PAPPA: variants seen among roughly 807,000 people sequenced by gnomAD.
The protein encoded by PAPPA is pappalysin 1.
Under a neutral mutation model 164.0 loss-of-function variants are expected in PAPPA, and 60 were observed. That is an observed-to-expected ratio of 0.37 (90% confidence interval 0.30 to 0.45). The LOEUF is 0.45. Ranked by LOEUF, PAPPA falls within the 20% of genes least tolerant of loss-of-function variation. The pLI, the probability that PAPPA is intolerant of heterozygous loss-of-function variation, is 1.00. For missense variants in PAPPA, 1,782 were observed against 2,087.3 expected (o/e 0.85, Z 2.85); for synonymous variants, 875 against 814.1 (o/e 1.07, Z -1.27).
intron 2 of PAPPA, among the ~76,000 whole-genome samples, chr9:116,207,043 T>G (rs1272425349): frequency 1.3e-5 from 2 of 152,158 alleles, no homozygotes; most frequent in Admixed American, 6.5e-5. Context: ...TTTATTATTC[T>G]AAGAGGGGAA....
At chr9:116,229,396 G>A (rs749095303) in intron 6 of PAPPA, among the ~76,000 whole-genome samples, 8 of 152,194 alleles carry the variant, frequency 5.3e-5, no homozygotes, top group Non-Finnish European at 1.0e-4. Context: ...CACATGACAT[G>A]TGATGTCATT....
intron 10 of PAPPA, among the ~76,000 whole-genome samples, chr9:116,311,525 TA>T (rs1175728590): frequency 1.3e-5 from 2 of 152,172 alleles, no homozygotes; most frequent in Non-Finnish European, 2.9e-5. Context: ...GGGGAAGCTT[TA>T]AAAAACATTG....
chr9:116,177,570 A>G (rs533901600), intron 1 of PAPPA, among the ~76,000 whole-genome samples: 18 of 152,190 alleles, frequency 1.2e-4, no homozygotes, highest in Non-Finnish European at 1.6e-4. Context: ...GCCTAATTCA[A>G]TGAATGGTGA....
intron 13 of PAPPA, among the ~76,000 whole-genome samples, chr9:116,343,644 G>A (rs754703273): frequency 2.6e-5 from 4 of 152,090 alleles, no homozygotes; most frequent in Non-Finnish European, 5.9e-5. Context: ...TATGAGGTTG[G>A]CCAAATTTAA....
At chr9:116,376,021 A>ATT (rs34549794) in intron 19 of PAPPA, among the ~76,000 whole-genome samples, 3,065 of 135,612 alleles carry the variant, frequency 0.023, 148 homozygotes, top group African/African-American at 0.073. Flanking sequence ...AACTTCCAGG[A>ATT]TTTTTTTTTT....
intron 8 of PAPPA, among the ~76,000 whole-genome samples, chr9:116,270,413 G>A (rs1024940314): frequency 3.3e-5 from 5 of 152,134 alleles, no homozygotes; most frequent in Non-Finnish European, 7.3e-5. Flanking sequence ...CTGAGGATTG[G>A]AATTTTAATT....
At chr9:116,203,829 A>G (rs1844199696) in intron 2 of PAPPA, among the ~76,000 whole-genome samples, 1 of 152,310 alleles carries the variant, frequency 6.6e-6, no homozygotes, top group African/African-American at 2.4e-5. Flanking sequence ...TAAAGGGCCA[A>G]TCATCAGGAA....
At chr9:116,163,899 A>C (rs1323205954) in intron 1 of PAPPA, among the ~76,000 whole-genome samples, 1 of 152,174 alleles carries the variant, frequency 6.6e-6, no homozygotes, top group Non-Finnish European at 1.5e-5. Context: ...AGAATTTCTA[A>C]GACTGACTGA....
chr9:116,320,734 A>AGT (rs776689576), intron 10 of PAPPA, among the ~76,000 whole-genome samples: 1 of 151,858 alleles, frequency 6.6e-6, no homozygotes, highest in African/African-American at 2.4e-5. Flanking sequence ...GTAAAAAGGA[A>AGT]GTGTGTGTGT....
intron 14 of PAPPA, among the ~76,000 whole-genome samples, chr9:116,346,070 G>GT (rs1272303196): frequency 6.6e-6 from 1 of 152,166 alleles, no homozygotes; most frequent in Non-Finnish European, 1.5e-5. Flanking sequence ...CAATTAGACT[G>GT]TTTTGGCAGT....
chr9:116,208,824 T>TTG (rs147986618), intron 3 of PAPPA, among the ~76,000 whole-genome samples: 97 of 150,678 alleles, frequency 6.4e-4, no homozygotes, highest in South Asian at 2.5e-3. Context: ...TGAAACCAAT[T>TTG]TGTGTGTGTG....
chr9:116,261,904 GT>G (rs1845006967), intron 7 of PAPPA, among the ~76,000 whole-genome samples: 1 of 151,718 alleles, frequency 6.6e-6, no homozygotes, highest in Non-Finnish European at 1.5e-5. Context: ...GTTTTGTTTT[GT>G]TTTGTTTAAA....
At chr9:116,213,949 C>T (rs1844340605) in intron 4 of PAPPA, among the ~76,000 whole-genome samples, 1 of 152,214 alleles carries the variant, frequency 6.6e-6, no homozygotes, top group East Asian at 1.9e-4. Context: ...TGGGAGCTCT[C>T]TCCATCAAGA....
At chr9:116,379,614 T>C (rs1846701167) in intron 20 of PAPPA, among the ~76,000 whole-genome samples, 1 of 152,220 alleles carries the variant, frequency 6.6e-6, no homozygotes, top group Admixed American at 6.5e-5. Context: ...ATGGAATCTA[T>C]ATTTGATAAA....
At position 116,235,124 on chromosome 9, in the gene PAPPA, A is replaced by C; in HGVS notation, c.2234-15A>C. On this transcript the variant is annotated splice_polypyrimidine_tract_variant and intron_variant, in intron 6 of 21. Transcript: ENST00000328252. Reference sequence around the variant, plus strand: ...TCTTTCCCCAAGAACTCATTCCCTCATCTCTTCTGCATAGGTCATCCTGAT... The same window carrying C: ...TCTTTCCCCAAGAACTCATTCCCTCCTCTCTTCTGCATAGGTCATCCTGAT... The C allele has an allele frequency of 6.2e-7, 1 of 1,614,102 alleles. No homozygotes were observed. Among genetic ancestry groups the C allele is most frequent in the Non-Finnish European group, 8.5e-7 (1 of 1,179,966 alleles).
chr9:116,246,281 G>T (rs1025762291), intron 7 of PAPPA, among the ~76,000 whole-genome samples: 1 of 152,122 alleles, frequency 6.6e-6, no homozygotes, highest in African/African-American at 2.4e-5. Context: ...GATAAACTAT[G>T]TAACGGGCCC....
At chr9:116,200,797 T>C (rs1458423789) in intron 2 of PAPPA, among the ~76,000 whole-genome samples, 3 of 151,302 alleles carry the variant, frequency 2.0e-5, no homozygotes, top group African/African-American at 7.3e-5. Context: ...AAAGAATGAA[T>C]GAATGATATG....
intron 7 of PAPPA, among the ~76,000 whole-genome samples, chr9:116,263,850 A>G (rs1033477271): frequency 6.6e-6 from 1 of 152,152 alleles, no homozygotes; most frequent in African/African-American, 2.4e-5. Context: ...TTAGCCAACC[A>G]CCTTAAATAT....
At position 116,227,417 on chromosome 9, in the gene PAPPA, C is replaced by T; in HGVS notation, c.2112-14C>T. ...CTAAGTCGGTGCATTTTCCCTCTTT[C>T]CTTGGCCTCCTAGAGAATTGGGATC... On this transcript the variant is annotated splice_polypyrimidine_tract_variant and intron_variant, in intron 5 of 21. Coordinates refer to ENST00000328252, the MANE Select transcript of PAPPA (RefSeq NM_002581.5). 6.2e-7 allele frequency: 1 copy of T among 1,613,812 alleles called. No homozygotes were observed. The highest frequency in any genetic ancestry group is 8.5e-7 in the Non-Finnish European group (1 of 1,179,786).
Sources: allele counts gnomAD v4.1 joint callset (sites outside exome capture counted in the v4.1 genomes callset), GRCh38; gene constraint gnomAD v4.1.1; transcripts MANE v1.5; gene names NCBI Gene and HGNC (gene_info 2026-07-23, HGNC 2026-07-21).